GRID1: variants seen among roughly 807,000 people sequenced by gnomAD.
GRID1 encodes glutamate receptor ionotropic, delta-1.
In GRID1, 28 loss-of-function variants were observed where a neutral mutation model predicts 98.0. The observed-to-expected ratio is 0.29, with a 90% confidence interval of 0.21 to 0.39. The LOEUF (loss-of-function observed/expected upper bound fraction) is 0.39. GRID1 is among the 10% of genes least tolerant of loss of function. The pLI, the probability that GRID1 is intolerant of heterozygous loss-of-function variation, is 1.00. For missense variants in GRID1, 1,111 were observed against 1,340.5 expected, an observed-to-expected ratio of 0.83 and a Z score of 2.67; for synonymous variants, 553 against 538.5, an observed-to-expected ratio of 1.03 and a Z score of -0.37.
At chr10:86,204,536 T>A (rs1039590617) in intron 3 of GRID1, among the ~76,000 whole-genome samples, 3 of 152,198 alleles carry the variant, frequency 2.0e-5, no homozygotes, top group African/African-American at 7.2e-5. Flanking sequence ...AGGACCTGCA[T>A]CTTGAGAAGA....
At chr10:86,116,011 T>C (rs565639576) in intron 4 of GRID1, among the ~76,000 whole-genome samples, 6 of 152,314 alleles carry the variant, frequency 3.9e-5, no homozygotes, top group East Asian at 3.9e-4. Context: ...GTTTGTAGCA[T>C]AGGAGCGATA....
Position 85,710,266 on chromosome 10 carries a change from A to G in GRID1, c.1997+12737T>C, listed in dbSNP as rs540046581. Among the ~76,000 whole-genome samples, 4 of 152,302 alleles carry G rather than the reference A, an allele frequency of 2.6e-5. 1 individual carries two copies. The highest frequency in any genetic ancestry group is 9.6e-5 in the African/African-American group (4 of 41,574). On this transcript the variant is annotated intron_variant, in intron 12 of 15. Transcript: ENST00000327946. The stretch of plus-strand genomic sequence containing the variant: ...AAAAAACAATGTAGTATTGGTAGGA[A>G]GACAGATATATAGACCAGTGGAATA...
At chr10:86,000,063 T>C (rs1842786418) in intron 4 of GRID1, among the ~76,000 whole-genome samples, 1 of 152,212 alleles carries the variant, frequency 6.6e-6, no homozygotes, top group African/African-American at 2.4e-5. Flanking sequence ...CAATAATGTC[T>C]ATATAGAAAA....
intron 4 of GRID1, among the ~76,000 whole-genome samples, chr10:85,927,021 C>T (rs1841783167): frequency 6.6e-6 from 1 of 152,194 alleles, no homozygotes; most frequent in Non-Finnish European, 1.5e-5. Flanking sequence ...AGTGTATTAA[C>T]TAAATCATCA....
chr10:86,143,642 C>T (rs574953183), intron 3 of GRID1, among the ~76,000 whole-genome samples: 20 of 152,312 alleles, frequency 1.3e-4, no homozygotes, highest in Non-Finnish European at 2.1e-4. Context: ...TCCACCTGCC[C>T]CTGGGGAAGT....
intron 4 of GRID1, among the ~76,000 whole-genome samples, chr10:85,921,762 C>A (rs1238847470): frequency 1.3e-5 from 2 of 152,150 alleles, no homozygotes; most frequent in African/African-American, 4.8e-5. Flanking sequence ...TGAGGCTGAG[C>A]GCATTGGAGG....
chr10:86,263,639 C>T (rs1847056719), intron 2 of GRID1, among the ~76,000 whole-genome samples: 1 of 152,236 alleles, frequency 6.6e-6, no homozygotes, highest in Non-Finnish European at 1.5e-5. Flanking sequence ...CACCTCACCT[C>T]TGATGCCTGT....
chr10:85,603,961 C>A (rs920808004), intron 15 of GRID1, among the ~76,000 whole-genome samples: 1 of 152,170 alleles, frequency 6.6e-6, no homozygotes, highest in Non-Finnish European at 1.5e-5. Context: ...AAGAAGGAAT[C>A]ACATGAATCT....
chr10:86,138,791 C>T (rs764460571), intron 4 of GRID1, 28 bp downstream of exon 4: 4 of 1,579,158 alleles, frequency 2.5e-6, no homozygotes, highest in African/African-American at 1.3e-5. Flanking sequence ...GCACCAGGCC[C>T]CTGAGGCCTC....
chr10:85,859,919 A>AT (rs1452176244), intron 6 of GRID1, among the ~76,000 whole-genome samples: 1 of 152,214 alleles, frequency 6.6e-6, no homozygotes, highest in East Asian at 1.9e-4. Context: ...GTAGAAAGGC[A>AT]GTTTATGCTT....
At chr10:86,105,369 T>C (rs1053090739) in intron 4 of GRID1, among the ~76,000 whole-genome samples, 1 of 152,024 alleles carries the variant, frequency 6.6e-6, no homozygotes, top group African/African-American at 2.4e-5. Context: ...GGTCTCACAG[T>C]TGTGGAGCAC....
At chr10:86,217,765 G>T (rs2132027128) in intron 2 of GRID1, among the ~76,000 whole-genome samples, 1 of 152,198 alleles carries the variant, frequency 6.6e-6, no homozygotes, top group East Asian at 1.9e-4. Context: ...CTACACGGTG[G>T]TCTCTCCTCC....
intron 5 of GRID1, among the ~76,000 whole-genome samples, chr10:85,906,136 G>GA (rs1230459565): frequency 6.6e-6 from 1 of 151,940 alleles, no homozygotes; most frequent in Non-Finnish European, 1.5e-5. Flanking sequence ...TTTCAGAGCA[G>GA]AAAAAAATAC....
intron 5 of GRID1, among the ~76,000 whole-genome samples, chr10:85,885,947 G>A (rs1841111618): frequency 6.6e-6 from 1 of 152,228 alleles, no homozygotes; most frequent in Non-Finnish European, 1.5e-5. Context: ...CTAACCAGCA[G>A]ATCTGGTGCC....
At chr10:86,325,028 A>G (rs1848027909) in intron 2 of GRID1, among the ~76,000 whole-genome samples, 1 of 152,246 alleles carries the variant, frequency 6.6e-6, no homozygotes, top group African/African-American at 2.4e-5. Flanking sequence ...AAGTCATGAC[A>G]CTATATGAAC....
At chr10:85,732,448 G>A (rs2097890386) in intron 8 of GRID1, among the ~76,000 whole-genome samples, 2 of 152,140 alleles carry the variant, frequency 1.3e-5, no homozygotes, top group African/African-American at 4.8e-5. Context: ...GTTTGGAATG[G>A]AGCTCTGTGC....
rs557316504 is a variant in GRID1, at chr10:85,611,173, C to T, written c.2601+2234G>A. ...CTTTTCTGTCTTCCTATCTATGTCT[C>T]TTTAACAATCACCAGTCTCTCTCTC... is the stretch of plus-strand genomic sequence containing the variant. On this transcript the variant is annotated intron_variant, in intron 15 of 15. Coordinates refer to ENST00000327946, the MANE Select transcript of GRID1 (RefSeq NM_017551.3). Among the ~76,000 whole-genome samples the T allele has an allele frequency of 2.0e-4, 31 of 152,304 alleles. 1 individual carries two copies. The South Asian group carries it at 2.5e-3, about 12-fold the overall frequency.
chr10:85,638,519 T>TAG (rs1843076644), intron 13 of GRID1, among the ~76,000 whole-genome samples: 2 of 152,280 alleles, frequency 1.3e-5, no homozygotes, highest in African/African-American at 2.4e-5. Flanking sequence ...TGGAACAGAA[T>TAG]AGAGAGTCCA....
intron 13 of GRID1, among the ~76,000 whole-genome samples, chr10:85,627,032 G>A (rs758223676): frequency 1.3e-5 from 2 of 152,206 alleles, no homozygotes; most frequent in Non-Finnish European, 2.9e-5. Flanking sequence ...GAAGTTGGAA[G>A]CAACCTAAAT....
Sources: allele counts gnomAD v4.1 joint callset (sites outside exome capture counted in the v4.1 genomes callset), GRCh38; gene constraint gnomAD v4.1.1; transcripts MANE v1.5; gene names NCBI Gene and HGNC (gene_info 2026-07-23, HGNC 2026-07-21).